The following TTC23 variants were observed in gnomAD, a reference collection of about 807,000 sequenced individuals.
TTC23 encodes tetratricopeptide repeat domain 23, also known as tetratricopeptide repeat protein 23.
TTC23 carries 58 observed loss-of-function variants against 55.1 expected under a neutral mutation model. That is an observed-to-expected ratio of 1.05 (90% CI 0.85 to 1.31). The LOEUF (loss-of-function observed/expected upper bound fraction) is 1.31, where lower values mean the gene tolerates loss of function less well. Among genes scored for constraint, TTC23 ranks in the 50% most tolerant of loss-of-function variants. The pLI, the probability that TTC23 is intolerant of heterozygous loss-of-function variation, is 0.00. For missense variants in TTC23, 516 were observed against 534.4 expected (o/e 0.97, Z 0.34); for synonymous variants, 203 against 199.9 (o/e 1.02, Z -0.13).
At chr15:99,139,225 A>G (rs782414412) in intron 13 of TTC23, 92 bp downstream of exon 13, 2 of 1,495,192 alleles carry the variant, frequency 1.3e-6, no homozygotes, top group East Asian at 4.7e-5. Flanking sequence ...ATTCCAGAGA[A>G]GGTTACACAG....
In TTC23 at chr15:99,156,178, G is replaced by C; in HGVS notation, c.1113C>G (p.Asn371Lys). The C allele has an allele frequency of 6.2e-7, 1 of 1,614,166 alleles. No individual in the cohort carries two copies. Among genetic ancestry groups the C allele is most frequent in the Non-Finnish European group, 8.5e-7 (1 of 1,180,042 alleles). Residue 371 changes from asparagine to lysine, a missense_variant, in exon 12 of 14, where the codon AAC (asparagine) becomes AAG (lysine). By Grantham distance (94) the Asn-to-Lys change is moderately conservative. Transcript: ENST00000394132. The part of the protein sequence containing the change: ...LLGGADLAQG[N>K]HSGARKKLKK... ...TCAGTTTCTTGCGGGCCCCACTGTG[G>C]TTCCCCTGCGCCAGGTCTGCTCCTC...
chr15:99,243,260 T>A (rs2079962300), intron 2 of TTC23, among the ~76,000 whole-genome samples: 1 of 152,126 alleles, frequency 6.6e-6, no homozygotes, highest in East Asian at 1.9e-4. Context: ...ATACTCAACA[T>A]CACTGATCAG....
intron 9 of TTC23, among the ~76,000 whole-genome samples, chr15:99,186,489 C>A (rs559195145): frequency 3.3e-5 from 5 of 152,056 alleles, no homozygotes; most frequent in Non-Finnish European, 7.4e-5. Flanking sequence ...TGAGTGAATT[C>A]CACTATAACC....
At chr15:99,204,528 G>T (rs188773929) in intron 8 of TTC23, among the ~76,000 whole-genome samples, 4 of 149,054 alleles carry the variant, frequency 2.7e-5, no homozygotes, top group Non-Finnish European at 4.4e-5. Context: ...GGTTGCCTAC[G>T]TTTTTGAGGT....
chr15:99,146,405 C>T (rs1376086348), intron 12 of TTC23, among the ~76,000 whole-genome samples: 1 of 152,226 alleles, frequency 6.6e-6, no homozygotes, highest in Admixed American at 6.5e-5. Context: ...CTGTGCTATC[C>T]ACACCAGCCA....
At chr15:99,170,639 C>G (rs900441491) in intron 10 of TTC23, among the ~76,000 whole-genome samples, 1 of 152,206 alleles carries the variant, frequency 6.6e-6, no homozygotes, top group Non-Finnish European at 1.5e-5. Flanking sequence ...CACAAAGATA[C>G]GTTGCAAATT....
intron 8 of TTC23, among the ~76,000 whole-genome samples, chr15:99,205,551 G>A (rs1318186800): frequency 6.9e-6 from 1 of 145,750 alleles, no homozygotes; most frequent in African/African-American, 2.5e-5. Context: ...TTATTGCTAG[G>A]TTTTTTTTTG....
At chr15:99,150,517 A>T (rs923521986) in intron 12 of TTC23, among the ~76,000 whole-genome samples, 1 of 152,230 alleles carries the variant, frequency 6.6e-6, no homozygotes, top group Admixed American at 6.5e-5. Flanking sequence ...GAGAAGACAA[A>T]TTTCCACAAA....
At chr15:99,211,473 C>T (rs2077036880) in intron 8 of TTC23, among the ~76,000 whole-genome samples, 1 of 152,060 alleles carries the variant, frequency 6.6e-6, no homozygotes, top group Non-Finnish European at 1.5e-5. Context: ...ATGTAGCCTT[C>T]CCAAGGCACA....
chr15:99,248,895 T>C (rs1448424154), intron 1 of TTC23, among the ~76,000 whole-genome samples: 1 of 152,208 alleles, frequency 6.6e-6, no homozygotes, highest in Non-Finnish European at 1.5e-5. Context: ...ATCTGTAGTA[T>C]GTTTTGTTCA....
chr15:99,139,313 T>G lies in TTC23; in HGVS notation c.1226+4A>C, dbSNP rs782601808. The G allele has an allele frequency of 6.2e-7, 1 of 1,611,862 alleles. No individual in the cohort carries two copies. Among genetic ancestry groups the G allele is most frequent in the Non-Finnish European group, 8.5e-7 (1 of 1,179,984 alleles). On this transcript the variant is annotated splice_donor_region_variant and intron_variant, in intron 13 of 13. Transcript: ENST00000394132. ...TAGAGAAAGTGTGAGGGACGCCAAC[T>G]CACGTGGACAGCATGCCCATGGCCT...
At chr15:99,149,335 A>G (rs1442583855) in intron 12 of TTC23, among the ~76,000 whole-genome samples, 1 of 152,236 alleles carries the variant, frequency 6.6e-6, no homozygotes, top group African/African-American at 2.4e-5. Flanking sequence ...CCTGGCAAAC[A>G]GGTGTCTTTA....
At chr15:99,175,015 C>T (rs190426797) in intron 10 of TTC23, 35 bp downstream of exon 10, 531 of 1,600,150 alleles carry the variant, frequency 3.3e-4, no homozygotes, top group Non-Finnish European at 4.3e-4. Flanking sequence ...GACCCAGATG[C>T]CTGTGAGACA....
At chr15:99,170,357 A>G (rs1417757492) in intron 10 of TTC23, among the ~76,000 whole-genome samples, 1 of 152,200 alleles carries the variant, frequency 6.6e-6, no homozygotes, top group Admixed American at 6.5e-5. Context: ...GGCAGGCTAC[A>G]GAGAATCCTC....
intron 10 of TTC23, among the ~76,000 whole-genome samples, chr15:99,167,741 C>A (rs573148645): frequency 6.6e-6 from 1 of 152,180 alleles, no homozygotes; most frequent in East Asian, 1.9e-4. Flanking sequence ...AGTAACCCTG[C>A]GTTCATTTTC....
chr15:99,169,640 G>C (rs770686036), intron 10 of TTC23, among the ~76,000 whole-genome samples: 1 of 152,192 alleles, frequency 6.6e-6, no homozygotes. Context: ...GCCACAGGGG[G>C]AAGAGTTGAG....
At chr15:99,247,907 T>A (rs1465886300) in intron 1 of TTC23, among the ~76,000 whole-genome samples, 1 of 152,126 alleles carries the variant, frequency 6.6e-6, no homozygotes, top group African/African-American at 2.4e-5. Context: ...TTAAGACAAA[T>A]GAACTTTATA....
intron 11 of TTC23, among the ~76,000 whole-genome samples, chr15:99,156,917 T>C (rs1011712118): frequency 1.3e-4 from 20 of 152,216 alleles, no homozygotes; most frequent in African/African-American, 4.8e-4. Context: ...GAACAAAAGC[T>C]GACATGGATC....
chr15:99,216,459 G>C (rs909829597), intron 8 of TTC23, among the ~76,000 whole-genome samples: 1 of 151,554 alleles, frequency 6.6e-6, no homozygotes, highest in African/African-American at 2.4e-5. Context: ...ATTAATAAGC[G>C]GGCAATAGAT....
Sources: gnomAD v4.1 joint callset for allele counts (sites outside exome capture counted in the v4.1 genomes callset) on GRCh38, gnomAD v4.1.1 for gene constraint, MANE v1.5 for transcripts, NCBI Gene and HGNC (gene_info 2026-07-23, HGNC 2026-07-21) for gene names.